Variants in HPSE2 observed in about 807,000 individuals in gnomAD.
HPSE2 encodes heparanase 2 (inactive), also known as inactive heparanase-2.
HPSE2 carries 38 observed loss-of-function variants against 60.5 expected under a neutral mutation model. That is an observed-to-expected ratio of 0.63 (90% CI 0.48 to 0.82). HPSE2 has a LOEUF of 0.82. Ranked by LOEUF, HPSE2 falls within the 40% of genes least tolerant of loss-of-function variation. The pLI, the probability that HPSE2 is intolerant of heterozygous loss-of-function variation, is 0.00. For missense variants in HPSE2, 713 were observed against 740.4 expected (o/e 0.96, Z 0.43); for synonymous variants, 295 against 293.2 (o/e 1.01, Z -0.06).
chr10:98,508,996 A>G (rs915182977), intron 9 of HPSE2, among the ~76,000 whole-genome samples: 9 of 152,346 alleles, frequency 5.9e-5, no homozygotes, highest in Non-Finnish European at 1.2e-4. Context: ...ACAGCTATGT[A>G]GAAAGTAAAT....
At chr10:99,252,030 T>A in the HPSE2 span, among the ~76,000 whole-genome samples, 1 of 152,064 alleles carries the variant, frequency 6.6e-6, no homozygotes, top group Non-Finnish European at 1.5e-5. Flanking sequence ...TGAGACTTTG[T>A]CTTGAAACAC....
the HPSE2 span, among the ~76,000 whole-genome samples, chr10:99,249,171 G>C: frequency 6.6e-6 from 1 of 152,200 alleles, no homozygotes; most frequent in African/African-American, 2.4e-5. Flanking sequence ...TCAGACCCCA[G>C]AATGGTAGAT....
At chr10:98,923,809 T>C (rs915968342) in intron 3 of HPSE2, among the ~76,000 whole-genome samples, 4 of 152,166 alleles carry the variant, frequency 2.6e-5, no homozygotes, top group African/African-American at 9.7e-5. Flanking sequence ...TCCTTCTCTG[T>C]GTTATCTTAA....
At chr10:98,759,104 C>T (rs1384991882) in intron 3 of HPSE2, among the ~76,000 whole-genome samples, 2 of 152,038 alleles carry the variant, frequency 1.3e-5, no homozygotes, top group Non-Finnish European at 2.9e-5. Context: ...AAACACTGCA[C>T]ATTCTCACTG....
intron 9 of HPSE2, among the ~76,000 whole-genome samples, chr10:98,525,073 C>T (rs1450287904): frequency 1.3e-5 from 2 of 152,182 alleles, no homozygotes; most frequent in Admixed American, 1.3e-4. Context: ...TGCAATGGCA[C>T]GATCTTGGCT....
chr10:98,859,889 A>G (rs895012426), intron 3 of HPSE2, among the ~76,000 whole-genome samples: 4 of 152,116 alleles, frequency 2.6e-5, no homozygotes, highest in African/African-American at 4.8e-5. Context: ...GTCCAAAATT[A>G]CTATATACAG....
rs1847899081 is a variant in HPSE2, at chr10:99,184,522, C to CCAA, written c.449-40124_449-40123insTTG. On this transcript the variant is annotated intron_variant, in intron 2 of 11. Transcript: ENST00000370552. The stretch of plus-strand genomic sequence containing the variant: ...CCTGGGCAACAGAGCGAGACTGTCT[C>CCAA]AAAAAAAAAAAAAAAAAAAAAAAAA... Among the ~76,000 whole-genome samples, 34 of 60,786 alleles carry CCAA rather than the reference C, an allele frequency of 5.6e-4. 3 individuals carry two copies. The highest frequency in any genetic ancestry group is 4.0e-3 in the African/African-American group (33 of 8,246). 39.9% of individuals were successfully genotyped at this position (60,786 alleles called of 152,430 possible).
chr10:98,972,537 T>C (rs1361727802), intron 3 of HPSE2, among the ~76,000 whole-genome samples: 12 of 152,184 alleles, frequency 7.9e-5, no homozygotes, highest in Admixed American at 7.9e-4. Flanking sequence ...ATAGGTCCAC[T>C]GATTTCTAGT....
At chr10:98,960,899 A>T (rs1589431794) in intron 3 of HPSE2, among the ~76,000 whole-genome samples, 1 of 68,384 alleles carries the variant, frequency 1.5e-5, no homozygotes, top group Non-Finnish European at 2.5e-5. Context: ...CCCTCCCCCG[A>T]CCCCACCACA....
At chr10:98,798,963 A>G (rs1232692573) in intron 3 of HPSE2, among the ~76,000 whole-genome samples, 1 of 152,182 alleles carries the variant, frequency 6.6e-6, no homozygotes, top group Non-Finnish European at 1.5e-5. Context: ...TGGAAAATGG[A>G]CTAAACTCCA....
intron 6 of HPSE2, among the ~76,000 whole-genome samples, chr10:98,683,757 T>C (rs1396639641): frequency 6.6e-6 from 1 of 151,896 alleles, no homozygotes; most frequent in East Asian, 1.9e-4. Flanking sequence ...AATGACATTA[T>C]CAAAGAAAAA....
intron 3 of HPSE2, among the ~76,000 whole-genome samples, chr10:99,081,803 A>AT (rs1456115258): frequency 1.3e-5 from 2 of 151,722 alleles, no homozygotes; most frequent in African/African-American, 4.8e-5. Flanking sequence ...TGCCTGGCTA[A>AT]TTTTTTGTAT....
At chr10:98,810,162 C>T (rs1951137004) in intron 3 of HPSE2, among the ~76,000 whole-genome samples, 1 of 152,080 alleles carries the variant, frequency 6.6e-6, no homozygotes, top group African/African-American at 2.4e-5. Flanking sequence ...TATCTCTCCA[C>T]CCAAATCTGG....
intron 2 of HPSE2, among the ~76,000 whole-genome samples, chr10:99,212,200 A>G (rs191078251): frequency 6.6e-6 from 1 of 152,134 alleles, no homozygotes; most frequent in East Asian, 1.9e-4. Flanking sequence ...GGGTGTAGAG[A>G]AAAGGAAACC....
chr10:99,083,966 CTTTTTTTTT>C (rs34799799), intron 3 of HPSE2, among the ~76,000 whole-genome samples: 2 of 79,764 alleles, frequency 2.5e-5, no homozygotes, highest in Non-Finnish European at 4.5e-5. Flanking sequence ...GTGTGAAAGC[CTTTTTTTTT>C]TTTTTTTTTT....
chr10:98,970,450 C>A (rs575614845), intron 3 of HPSE2, among the ~76,000 whole-genome samples: 33 of 152,290 alleles, frequency 2.2e-4, no homozygotes, highest in African/African-American at 7.5e-4. Context: ...CATATTCAAA[C>A]CGTATCAGGT....
chr10:98,743,660 A>G (rs1949555599), intron 4 of HPSE2, among the ~76,000 whole-genome samples: 1 of 151,070 alleles, frequency 6.6e-6, no homozygotes, highest in South Asian at 2.1e-4. Context: ...ATTTGGAATG[A>G]GGTAACTAGA....
the HPSE2 span, among the ~76,000 whole-genome samples, chr10:99,261,307 T>C: frequency 1.4e-4 from 22 of 152,180 alleles, no homozygotes; most frequent in South Asian, 4.6e-3. Context: ...CAGCCTCTGC[T>C]CCGCCACCCT....
chr10:99,047,504 G>A (rs779350303), intron 3 of HPSE2: 3 of 403,954 alleles, frequency 7.4e-6, no homozygotes, highest in Non-Finnish European at 1.3e-5. Flanking sequence ...CTTCTGCACA[G>A]CAAAAGAAAC....
Sources: allele counts gnomAD v4.1 joint callset (sites outside exome capture counted in the v4.1 genomes callset), GRCh38; gene constraint gnomAD v4.1.1; transcripts MANE v1.5; gene names NCBI Gene and HGNC (gene_info 2026-07-23, HGNC 2026-07-21).